The following MAPK4 variants were observed in gnomAD, a reference collection of about 807,000 sequenced individuals.
MAPK4 encodes the protein mitogen-activated protein kinase 4, also known as Erk3-related.
MAPK4 carries 22 observed loss-of-function variants against 47.7 expected under a neutral mutation model. The ratio of observed to expected loss-of-function variants is 0.46; its 90% confidence interval spans 0.33 to 0.66. MAPK4 has a LOEUF of 0.66. Ranked by LOEUF, MAPK4 falls within the 30% of genes least tolerant of loss-of-function variation. The probability of loss-of-function intolerance (pLI) is 0.02; values close to 1 mark genes in which losing one functional copy is unlikely to be tolerated. For missense variants in MAPK4, 736 were observed against 831.7 expected, an observed-to-expected ratio of 0.88 and a Z score of 1.42; for synonymous variants, 390 against 365.7, an observed-to-expected ratio of 1.07 and a Z score of -0.76.
intron 1 of MAPK4, among the ~76,000 whole-genome samples, chr18:50,662,357 C>A (rs181179227): frequency 6.6e-6 from 1 of 152,168 alleles, no homozygotes; most frequent in Non-Finnish European, 1.5e-5. Context: ...CAACAGCCAC[C>A]AGAGGGCAGG....
In MAPK4 at chr18:50,729,046, T is replaced by TG. The variant is rs371454789; in HGVS notation, c.1068-107dup. The stretch of plus-strand genomic sequence containing the variant: ...TCCATCACCCTCCCACCTTGAGGGA[T>TG]GGGGGTCGAAGGCAGGTGTGTGAGT... On this transcript the variant is annotated intron_variant, in intron 5 of 5. Transcript: ENST00000400384. The TG allele has an allele frequency of 1.5e-4, 131 of 877,278 alleles. 3 individuals are homozygous for TG. The highest frequency in any genetic ancestry group is 1.3e-3 in the South Asian group (74 of 56,698). 54.3% of individuals were successfully genotyped at this position (877,278 alleles called of 1,614,324 possible). A position where few individuals can be genotyped will look rare whatever the true frequency, so the allele number is the denominator to read the frequency against.
intron 1 of MAPK4, among the ~76,000 whole-genome samples, chr18:50,571,526 C>T (rs2042250255): frequency 6.6e-6 from 1 of 152,144 alleles, no homozygotes; most frequent in Non-Finnish European, 1.5e-5. Flanking sequence ...AACTTTCAGC[C>T]TGAGATGAAG....
intron 2 of MAPK4, among the ~76,000 whole-genome samples, chr18:50,677,969 G>A (rs775722143): frequency 5.9e-5 from 9 of 152,084 alleles, no homozygotes; most frequent in Admixed American, 1.3e-4. Flanking sequence ...CCATGCCCCC[G>A]GGAAATAGGA....
intron 1 of MAPK4, among the ~76,000 whole-genome samples, chr18:50,626,772 C>T (rs1167153324): frequency 5.3e-5 from 8 of 152,202 alleles, no homozygotes; most frequent in Non-Finnish European, 8.8e-5. Context: ...GCTTGTCCCA[C>T]ACCCAAATCC....
chr18:50,696,984 A>G (rs1229524879), intron 2 of MAPK4, among the ~76,000 whole-genome samples: 1 of 152,196 alleles, frequency 6.6e-6, no homozygotes, highest in Non-Finnish European at 1.5e-5. Flanking sequence ...GCAGGAGGGA[A>G]GGTGCAGAGA....
intron 1 of MAPK4, among the ~76,000 whole-genome samples, chr18:50,593,234 A>T (rs1254295577): frequency 6.6e-6 from 1 of 152,302 alleles, no homozygotes; most frequent in East Asian, 1.9e-4. Context: ...GGCCCCTTGC[A>T]ATTTCTACCC....
chr18:50,585,720 G>T (rs1373461240), intron 1 of MAPK4, among the ~76,000 whole-genome samples: 1 of 152,190 alleles, frequency 6.6e-6, no homozygotes, highest in African/African-American at 2.4e-5. Flanking sequence ...GTCCAAGACT[G>T]GGTAATTTAT....
At chr18:50,675,402 C>T (rs957654258) in intron 2 of MAPK4, among the ~76,000 whole-genome samples, 5 of 152,014 alleles carry the variant, frequency 3.3e-5, no homozygotes, top group South Asian at 4.2e-4. Flanking sequence ...CTGCAACCTC[C>T]GCCTCCCGGG....
chr18:50,592,936 A>G (rs1366165177), intron 1 of MAPK4, among the ~76,000 whole-genome samples: 1 of 152,242 alleles, frequency 6.6e-6, no homozygotes, highest in African/African-American at 2.4e-5. Flanking sequence ...CCTGTTAACC[A>G]TAATATAGCA....
chr18:50,578,545 A>G (rs2042317235), intron 1 of MAPK4, among the ~76,000 whole-genome samples: 2 of 152,230 alleles, frequency 1.3e-5, no homozygotes, highest in African/African-American at 4.8e-5. Context: ...TGGTCAAGGA[A>G]AAGGAAATTA....
At chr18:50,651,953 A>G (rs1598869252) in intron 1 of MAPK4, among the ~76,000 whole-genome samples, 1 of 152,306 alleles carries the variant, frequency 6.6e-6, no homozygotes, top group African/African-American at 2.4e-5. Flanking sequence ...GGGTCACACT[A>G]CCAGCCCCTA....
chr18:50,726,281 T>C, intron 5 of MAPK4, 106 bp downstream of exon 5: 4 of 1,053,034 alleles, frequency 3.8e-6, no homozygotes, highest in South Asian at 1.4e-5. Flanking sequence ...GTTGCATAGC[T>C]CATTGGACGA....
In MAPK4 at chr18:50,663,669, GC is replaced by G; in HGVS notation, c.-288del. On this transcript the variant is annotated 5_prime_UTR_variant, in exon 2 of 6. An upstream open reading frame in the 5' UTR loses its in-frame stop. Coordinates refer to ENST00000400384, the MANE Select transcript of MAPK4 (RefSeq NM_002747.4). ...GATGCCAGCTTTAAAAGAAATATGA[GC>G]CATTCTAAGCTTTAAGAAGGGTTCA... 3.8e-6 allele frequency: 1 copy of G among 263,350 alleles called. No individual in the cohort carries two copies. The highest frequency in any genetic ancestry group is 7.2e-6 in the Non-Finnish European group (1 of 139,694). 16.3% of individuals were successfully genotyped at this position (263,350 alleles called of 1,614,324 possible). A position where few individuals can be genotyped will look rare whatever the true frequency, so the allele number is the denominator to read the frequency against.
chr18:50,696,188 G>A (rs1349161051), intron 2 of MAPK4, among the ~76,000 whole-genome samples: 6 of 151,984 alleles, frequency 3.9e-5, no homozygotes, highest in South Asian at 2.1e-4. Flanking sequence ...GGGCACCAGC[G>A]GAGCCAGGAC....
chr18:50,699,981 G>C (rs564719386), intron 2 of MAPK4, among the ~76,000 whole-genome samples: 13 of 152,318 alleles, frequency 8.5e-5, no homozygotes, highest in African/African-American at 2.9e-4. Context: ...AAGCTCACTT[G>C]AGCTTCAGTG....
chr18:50,634,565 AC>A (rs1368565706), intron 1 of MAPK4, among the ~76,000 whole-genome samples: 2 of 152,002 alleles, frequency 1.3e-5, no homozygotes, highest in African/African-American at 4.8e-5. Context: ...TTAGAGCATT[AC>A]CTCTTTTAGA....
intron 2 of MAPK4, among the ~76,000 whole-genome samples, chr18:50,701,653 A>G (rs1354272178): frequency 1.3e-5 from 2 of 152,148 alleles, no homozygotes; most frequent in Non-Finnish European, 2.9e-5. Flanking sequence ...CCACCCTACA[A>G]CTCATAACAT....
chr18:50,704,657 G>C, intron 2 of MAPK4: 1 of 398,728 alleles, frequency 2.5e-6, no homozygotes, highest in Non-Finnish European at 4.4e-6. Context: ...TTCCAGTCCT[G>C]TGGGGTGGGA....
chr18:50,646,546 G>A (rs1054458456), intron 1 of MAPK4, among the ~76,000 whole-genome samples: 4 of 152,194 alleles, frequency 2.6e-5, no homozygotes, highest in African/African-American at 9.6e-5. Context: ...AAGTGGAACT[G>A]CAGAGGGACG....
Sources: allele counts gnomAD v4.1 joint callset (sites outside exome capture counted in the v4.1 genomes callset), GRCh38; gene constraint gnomAD v4.1.1; transcripts MANE v1.5; gene names NCBI Gene and HGNC (gene_info 2026-07-23, HGNC 2026-07-21).